WDR27: variants seen among roughly 807,000 people sequenced by gnomAD.
The protein encoded by WDR27 is WD repeat domain 27.
Under a neutral mutation model 114.4 loss-of-function variants are expected in WDR27, and 100 were observed. The observed-to-expected ratio is 0.87, with a 90% CI of 0.74 to 1.03. The LOEUF is 1.03. Among genes scored for constraint, WDR27 ranks in the 50% least tolerant of loss-of-function variants. WDR27 has a pLI of 0.00. For synonymous variants in WDR27, 449 were observed against 423.1 expected (o/e 1.06, Z -0.75); for missense variants, 1,129 against 1,092.9 (o/e 1.03, Z -0.47).
In WDR27 at chr6:169,471,319, C is replaced by G. The variant is rs1315014807; in HGVS notation, c.2646-13685G>C. On this transcript the variant is annotated intron_variant, in intron 25 of 25. Transcript: ENST00000448612. ...TTGTTCACAGCCAATCATCATCTCC[C>G]ACAAGGCCTCAGGTTGGTTCCAAAC... Among the ~76,000 whole-genome samples, 3 of 152,198 alleles carry G rather than the reference C, an allele frequency of 2.0e-5. No individual in the cohort carries two copies. In the East Asian group the frequency reaches 5.8e-4, roughly 30 times the overall value.
At position 169,659,641 on chromosome 6, in the gene WDR27, C is replaced by G. The variant is rs1825425288; in HGVS notation, c.1130-123G>C. On this transcript the variant is annotated intron_variant, in intron 10 of 25. Transcript: ENST00000448612. The surrounding 1 kb of genome is among the most constrained non-coding windows in gnomAD (Gnocchi z 4.3). ...CCACCACACACAGTCCAGGCCCCAC[C>G]ACACACTTTGCAGGCTGTGCACCAC... The G allele has an allele frequency of 6.8e-6, 6 of 882,080 alleles. No individual in the cohort carries two copies. The South Asian group carries it at 9.0e-5, about 13-fold the overall frequency. 54.6% of individuals were successfully genotyped at this position (882,080 alleles called of 1,614,324 possible).
intron 25 of WDR27, among the ~76,000 whole-genome samples, chr6:169,554,085 C>A (rs1798547252): frequency 6.6e-6 from 1 of 152,164 alleles, no homozygotes; most frequent in Non-Finnish European, 1.5e-5. Context: ...CTGACAAAGT[C>A]CTGATTACCT....
Position 169,672,444 on chromosome 6 carries a change from T to TA in WDR27, c.190-49dup, listed in dbSNP as rs1778996358. 2.0e-6 allele frequency: 3 copies of TA among 1,505,882 alleles called. No homozygotes were observed. The South Asian group carries it at 3.9e-5, about 20-fold the overall frequency. 93.3% of individuals were successfully genotyped at this position (1,505,882 alleles called of 1,614,324 possible). On this transcript the variant is annotated intron_variant, in intron 2 of 25. Transcript: ENST00000448612. ...AACACAGATCACAGACATTTAAAAATAAGAGTATAACAACATAACTTCAAA... is the reference window on the plus strand; with the variant it reads ...AACACAGATCACAGACATTTAAAAATAAAGAGTATAACAACATAACTTCAAA...
rs1230692230 is a variant in WDR27, at chr6:169,584,974, TAGAC to T, written c.2425-2044_2425-2041del. Reference sequence around the variant, plus strand: ...CCAAAAAACACAAACACAGACCAATTAGACAGAGTATAGAGCTCAGAAATAAATC... The same window carrying T: ...CCAAAAAACACAAACACAGACCAATTAGAGTATAGAGCTCAGAAATAAATC... On this transcript the variant is annotated intron_variant, in intron 23 of 25. Coordinates refer to ENST00000448612, the MANE Select transcript of WDR27 (RefSeq NM_182552.5). Among the ~76,000 whole-genome samples, 8 of 152,278 alleles carry T rather than the reference TAGAC, an allele frequency of 5.3e-5. No homozygotes were observed. In the South Asian group the frequency reaches 6.2e-4, roughly 12 times the overall value.
At chr6:169,511,639 C>T (rs1363890631) in intron 25 of WDR27, among the ~76,000 whole-genome samples, 2 of 151,928 alleles carry the variant, frequency 1.3e-5, no homozygotes, top group East Asian at 1.9e-4. Flanking sequence ...ACATAATATC[C>T]TCAGTTTTCC....
At chr6:169,505,584 G>T (rs1362723456) in intron 25 of WDR27, among the ~76,000 whole-genome samples, 1 of 152,140 alleles carries the variant, frequency 6.6e-6, no homozygotes, top group Non-Finnish European at 1.5e-5. Context: ...TATACTCCAA[G>T]AATAGTCCTC....
chr6:169,436,330 A>G, the WDR27 span, among the ~76,000 whole-genome samples: 1 of 152,174 alleles, frequency 6.6e-6, no homozygotes, highest in Non-Finnish European at 1.5e-5. Context: ...ATTTTTCTCT[A>G]CCAGATGTTT....
chr6:169,655,204 G>A lies in WDR27; in HGVS notation c.1402+3072C>T, dbSNP rs142172083. Among the ~76,000 whole-genome samples, 241 of 152,346 alleles carry A rather than the reference G, an allele frequency of 1.6e-3. 1 individual carries two copies. Among genetic ancestry groups the A allele is most frequent in the African/African-American group, 5.5e-3 (230 of 41,574 alleles). On this transcript the variant is annotated intron_variant, in intron 13 of 25. Transcript: ENST00000448612. Reference sequence around the variant, plus strand: ...AAATTCCAGCGTCCAGCGACATGCAGCCATGGCAAGAGCTCCGGGCAGGAG... The same window carrying A: ...AAATTCCAGCGTCCAGCGACATGCAACCATGGCAAGAGCTCCGGGCAGGAG...
At chr6:169,583,940 A>C (rs1804064502) in intron 23 of WDR27, among the ~76,000 whole-genome samples, 1 of 152,176 alleles carries the variant, frequency 6.6e-6, no homozygotes, top group Non-Finnish European at 1.5e-5. Context: ...AAATCTATGT[A>C]GTTCAGGAAA....
rs144716562 is a variant in WDR27, at chr6:169,557,024, G to A, written c.2645+15395C>T. Among the ~76,000 whole-genome samples, 455 of 152,242 alleles carry A rather than the reference G, an allele frequency of 3.0e-3. 1 individual carries two copies. The highest frequency in any genetic ancestry group is 0.01 in the African/African-American group (431 of 41,542). On this transcript the variant is annotated intron_variant, in intron 25 of 25. Transcript: ENST00000448612. Reference sequence around the variant, plus strand: ...GTTACGTTGCGGTTAAGCACACATCGCCCTCAGCAACTGCACTCGTGTCTC... The same window carrying A: ...GTTACGTTGCGGTTAAGCACACATCACCCTCAGCAACTGCACTCGTGTCTC...
the WDR27 span, among the ~76,000 whole-genome samples, chr6:169,444,316 T>C: frequency 1.3e-5 from 2 of 152,224 alleles, no homozygotes; most frequent in African/African-American, 4.8e-5. Context: ...TGGTCTCCTC[T>C]AAAAAGAATG....
chr6:169,691,942 C>A (rs1021184760), intron 1 of WDR27, among the ~76,000 whole-genome samples: 4 of 152,182 alleles, frequency 2.6e-5, no homozygotes, highest in Non-Finnish European at 5.9e-5. Context: ...CCAAGAACCA[C>A]TGCAGGAATG....
intron 21 of WDR27, among the ~76,000 whole-genome samples, chr6:169,622,952 G>T (rs1428877372): frequency 1.3e-5 from 2 of 152,178 alleles, no homozygotes; most frequent in African/African-American, 4.8e-5. Flanking sequence ...CTTCTTGCCT[G>T]GGGACCAGAC....
rs371328137 is a variant in WDR27, at chr6:169,617,159, G to A, written c.2224-3503C>T. ...AGTCACAAATGAGCAGCAAGTTTAG[G>A]AGCGAAGATTTCATAGGCAAAATAA... On this transcript the variant is annotated intron_variant, in intron 21 of 25. Transcript: ENST00000448612. Among the ~76,000 whole-genome samples the A allele has an allele frequency of 9.9e-5, 15 of 152,270 alleles. No individual in the cohort carries two copies. In the South Asian group the frequency reaches 1.5e-3, roughly 15 times the overall value.
chr6:169,537,533 G>A (rs989634957), intron 25 of WDR27, among the ~76,000 whole-genome samples: 1 of 152,232 alleles, frequency 6.6e-6, no homozygotes, highest in Admixed American at 6.5e-5. Context: ...AAATGATTGA[G>A]AAGCAGAAAA....
chr6:169,523,745 A>T (rs1794654027), intron 25 of WDR27, among the ~76,000 whole-genome samples: 1 of 152,144 alleles, frequency 6.6e-6, no homozygotes, highest in Admixed American at 6.5e-5. Flanking sequence ...ACATCCTTTT[A>T]TGATTAAAAA....
intron 25 of WDR27, among the ~76,000 whole-genome samples, chr6:169,566,081 AATGTATTGTT>A (rs1800422462): frequency 7.0e-6 from 1 of 143,312 alleles, no homozygotes; most frequent in Non-Finnish European, 1.6e-5. Flanking sequence ...AACATTTTGT[AATGTATTGTT>A]ACTCGTTAGA....
intron 25 of WDR27, among the ~76,000 whole-genome samples, chr6:169,465,024 C>G (rs559347426): frequency 6.8e-6 from 1 of 147,576 alleles, no homozygotes; most frequent in South Asian, 2.1e-4. Flanking sequence ...TTTGGGAGGC[C>G]AAGGTGGGCA....
At chr6:169,435,278 G>A in the WDR27 span, among the ~76,000 whole-genome samples, 2 of 152,218 alleles carry the variant, frequency 1.3e-5, no homozygotes, top group South Asian at 2.1e-4. Context: ...CCTCTGCTAG[G>A]GCAGTGCAGA....
Sources: gnomAD v4.1 joint callset for allele counts (sites outside exome capture counted in the v4.1 genomes callset) on GRCh38, gnomAD v4.1.1 for gene constraint, Gnocchi (gnomAD v3.1) non-coding constraint, MANE v1.5 for transcripts, NCBI Gene and HGNC (gene_info 2026-07-23, HGNC 2026-07-21) for gene names.